Variants in STXBP5 observed in about 807,000 individuals in gnomAD.
The protein encoded by STXBP5 is syntaxin binding protein 5.
Under a neutral mutation model 152.4 loss-of-function variants are expected in STXBP5, and 50 were observed. The observed-to-expected ratio is 0.33, with a 90% CI of 0.26 to 0.42. The LOEUF is 0.42. Among genes scored for constraint, STXBP5 ranks in the 10% least tolerant of loss-of-function variants. STXBP5 has a pLI of 1.00. For synonymous variants in STXBP5, 492 were observed against 494.7 expected, an observed-to-expected ratio of 0.99 and a Z score of 0.07; for missense variants, 1,167 against 1,388.6, an observed-to-expected ratio of 0.84 and a Z score of 2.54.
chr6:147,344,593 T>A (rs145640823), intron 21 of STXBP5, among the ~76,000 whole-genome samples: 4 of 152,326 alleles, frequency 2.6e-5, no homozygotes, highest in African/African-American at 9.6e-5. Flanking sequence ...TATGCCCACA[T>A]GGGTTTCTGT....
At chr6:147,346,257 A>G (rs1416092724) in intron 21 of STXBP5, among the ~76,000 whole-genome samples, 1 of 152,174 alleles carries the variant, frequency 6.6e-6, no homozygotes, top group African/African-American at 2.4e-5. Context: ...TATGAACATC[A>G]TAAAATTGTT....
At position 147,339,221 on chromosome 6, in the gene STXBP5, A is replaced by G. The variant is rs1264366095; in HGVS notation, c.2189A>G (p.Asn730Ser). The part of the protein sequence containing the change: ...PHNSDDEQKM[N>S]NFIEKVKTKS... ...AATTCAGATGATGAACAAAAAATGA[A>G]TAATTTTATAGAAAAGGGTATAGTA... is the stretch of plus-strand genomic sequence containing the variant. The change falls in exon 20 of 28, where the codon AAT (asparagine) becomes AGT (serine). Residue 730 changes from asparagine to serine, a missense_variant. Physicochemically the swap from Asn to Ser is conservative, Grantham distance 46. Coordinates refer to ENST00000321680, the MANE Select transcript of STXBP5 (RefSeq NM_001127715.4). 6 of 1,538,572 alleles carry G rather than the reference A, an allele frequency of 3.9e-6. No individual in the cohort carries two copies. Among genetic ancestry groups the G allele is most frequent in the Non-Finnish European group, 5.3e-6 (6 of 1,142,720 alleles).
chr6:147,337,876 A>G (rs943493197), intron 19 of STXBP5, among the ~76,000 whole-genome samples: 11 of 152,092 alleles, frequency 7.2e-5, no homozygotes, highest in Non-Finnish European at 1.5e-4. Context: ...TAAAAAAGTA[A>G]CCTTCTAAGA....
chr6:147,297,044 CAT>C (rs1415448237), intron 9 of STXBP5, among the ~76,000 whole-genome samples: 1 of 152,086 alleles, frequency 6.6e-6, no homozygotes, highest in African/African-American at 2.4e-5. Context: ...GCGCAGAAAA[CAT>C]ATTTAATGAA....
chr6:147,342,551 C>T (rs1784140879), intron 21 of STXBP5, among the ~76,000 whole-genome samples: 1 of 152,092 alleles, frequency 6.6e-6, no homozygotes, highest in Non-Finnish European at 1.5e-5. Flanking sequence ...TTTGTTTTGC[C>T]TGTGTATACC....
chr6:147,304,495 G>T (rs1781990000), intron 9 of STXBP5, among the ~76,000 whole-genome samples: 1 of 152,170 alleles, frequency 6.6e-6, no homozygotes, highest in Non-Finnish European at 1.5e-5. Flanking sequence ...AGGGCAGTGT[G>T]GATGGGAAAT....
intron 2 of STXBP5, among the ~76,000 whole-genome samples, chr6:147,224,542 A>G (rs1251075597): frequency 3.9e-5 from 6 of 152,246 alleles, no homozygotes; most frequent in African/African-American, 7.2e-5. Flanking sequence ...ATGACGTTTC[A>G]CAGATGAGAA....
In STXBP5 at chr6:147,267,187, TA is replaced by T; in HGVS notation, c.714+24del. On this transcript the variant is annotated intron_variant, in intron 7 of 27. Coordinates refer to ENST00000321680, the MANE Select transcript of STXBP5 (RefSeq NM_001127715.4). ...GATGAGGTAATATTATTTTTGCTAG[TA>T]AAAGCTATGGTCATTTCTCTCATAT... The T allele has an allele frequency of 6.4e-7, 1 of 1,572,416 alleles. No homozygotes were observed. The highest frequency in any genetic ancestry group is 8.6e-7 in the Non-Finnish European group (1 of 1,162,338).
chr6:147,341,236 TTGTTA>T (rs1359524095), intron 21 of STXBP5, among the ~76,000 whole-genome samples: 9 of 152,170 alleles, frequency 5.9e-5, no homozygotes, highest in Non-Finnish European at 2.9e-5. Flanking sequence ...GTATTTAGTT[TTGTTA>T]TAAGAATTAG....
intron 4 of STXBP5, among the ~76,000 whole-genome samples, chr6:147,247,509 A>T (rs1297841985): frequency 2.0e-5 from 3 of 152,220 alleles, no homozygotes; most frequent in African/African-American, 7.2e-5. Context: ...AAATAAAAGA[A>T]AAATTCTCTT....
chr6:147,348,060 A>G (rs918076677), intron 21 of STXBP5, among the ~76,000 whole-genome samples: 1 of 152,232 alleles, frequency 6.6e-6, no homozygotes, highest in Non-Finnish European at 1.5e-5. Context: ...AAATGTTAGT[A>G]ATGACATTAT....
At chr6:147,343,041 T>C (rs1218904205) in intron 21 of STXBP5, among the ~76,000 whole-genome samples, 1 of 152,092 alleles carries the variant, frequency 6.6e-6, no homozygotes, top group African/African-American at 2.4e-5. Context: ...GGGAAAATAA[T>C]ACCAAGGATA....
intron 19 of STXBP5, 72 bp from the exon 20 acceptor site, chr6:147,339,107 A>G (rs1783972996): frequency 1.5e-6 from 2 of 1,310,380 alleles, no homozygotes; most frequent in Non-Finnish European, 2.1e-6. Flanking sequence ...TTATTTGTAC[A>G]TTTTTCTTGT....
chr6:147,279,322 G>T (rs1780592047), intron 8 of STXBP5, among the ~76,000 whole-genome samples: 1 of 151,846 alleles, frequency 6.6e-6, no homozygotes, highest in Non-Finnish European at 1.5e-5. Context: ...ATCCTTCCTG[G>T]CAAGTTTAGG....
chr6:147,307,411 T>G (rs1295643938), intron 9 of STXBP5, among the ~76,000 whole-genome samples: 2 of 152,202 alleles, frequency 1.3e-5, no homozygotes, highest in Non-Finnish European at 2.9e-5. Context: ...CCTTTGTAAT[T>G]CATGTTACCT....
At chr6:147,348,874 G>T (rs1784457537) in intron 21 of STXBP5, among the ~76,000 whole-genome samples, 1 of 152,110 alleles carries the variant, frequency 6.6e-6, no homozygotes, top group African/African-American at 2.4e-5. Context: ...GTGAAAAGCA[G>T]CAGGATACTG....
intron 2 of STXBP5, among the ~76,000 whole-genome samples, chr6:147,214,761 A>G (rs1777071928): frequency 6.6e-6 from 1 of 152,214 alleles, no homozygotes; most frequent in Non-Finnish European, 1.5e-5. Flanking sequence ...AAAATAAACT[A>G]CGAAGAATGT....
At position 147,313,904 on chromosome 6, in the gene STXBP5, C is replaced by T. The variant is rs771328521; in HGVS notation, c.1166C>T (p.Pro389Leu). 2.6e-6 allele frequency: 4 copies of T among 1,555,660 alleles called. No homozygotes were observed. The highest frequency in any genetic ancestry group is 2.5e-5 in the South Asian group (2 of 81,076). ...AQNGYPIFEN[P>L]YPLSIHESPV... ...TAAAGATATCCTATATTTGAAAATC[C>T]CTACCCTTTGAGTATACATGAGTCC... Residue 389 changes from proline (P) to leucine (L), a missense_variant, in exon 12 of 28, where the codon CCC becomes CTC. Around this residue, in one of 3 missense-constraint regions of STXBP5, gnomAD observed 833 missense variants for 986.3 expected, o/e 0.84. Coordinates refer to ENST00000321680, the MANE Select transcript of STXBP5 (RefSeq NM_001127715.4).
intron 8 of STXBP5, among the ~76,000 whole-genome samples, chr6:147,286,110 A>G (rs904658152): frequency 3.9e-5 from 6 of 152,168 alleles, no homozygotes; most frequent in African/African-American, 1.4e-4. Context: ...ACAAGGGACT[A>G]CTTTTCAGAT....
Sources: allele counts gnomAD v4.1 joint callset (sites outside exome capture counted in the v4.1 genomes callset), GRCh38; gene constraint gnomAD v4.1.1; regional missense constraint gnomAD v4.1.1; transcripts MANE v1.5; gene names NCBI Gene and HGNC (gene_info 2026-07-23, HGNC 2026-07-21).